The following ATP2C1 variants were observed in gnomAD, a reference collection of about 807,000 sequenced individuals.
The protein encoded by ATP2C1 is calcium-transporting ATPase type 2C member 1.
Under a neutral mutation model 120.5 loss-of-function variants are expected in ATP2C1, and 31 were observed. That is an observed-to-expected ratio of 0.26 (90% CI 0.19 to 0.35). The LOEUF (loss-of-function observed/expected upper bound fraction) is 0.35. Among genes scored for constraint, ATP2C1 ranks in the 10% least tolerant of loss-of-function variants. The pLI is 1.00. For missense variants in ATP2C1, 731 were observed against 1,107.5 expected (o/e 0.66, Z 4.83); for synonymous variants, 351 against 358.7 (o/e 0.98, Z 0.24).
Position 130,901,674 on chromosome 3 carries a change from A to T in ATP2C1, c.6+6899A>T, listed in dbSNP as rs571194937. 5.3e-5 allele frequency among the ~76,000 whole-genome samples: 8 copies of T among 152,174 alleles called. No homozygotes were observed. The South Asian group carries it at 6.2e-4, about 12-fold the overall frequency. The stretch of plus-strand genomic sequence containing the variant: ...ATATAGGTCAGACTGTCATGATGTG[A>T]GGCTCATATAGCTATGCATGGAGAG... On this transcript the variant is annotated intron_variant, in intron 2 of 27. Coordinates refer to ENST00000510168, the MANE Select transcript of ATP2C1 (RefSeq NM_001378687.1).
Position 130,941,668 on chromosome 3 carries a change from A to C in ATP2C1, c.500A>C (p.Asp167Ala). 2.5e-6 allele frequency: 4 copies of C among 1,613,906 alleles called. No individual in the cohort carries two copies. The highest frequency in any genetic ancestry group is 3.4e-6 in the Non-Finnish European group (4 of 1,179,970). The change falls in exon 8 of 28, where the codon GAT becomes GCT. Residue 167 changes from aspartate (D) to alanine (A), a missense_variant. By Grantham distance (126) the Asp-to-Ala change is moderately radical. Transcript: ENST00000510168. The part of the protein sequence containing the change: ...PGDTVCLSVG[D>A]RVPADLRLFE... ...GATACAGTTTGCCTTTCTGTTGGGG[A>C]TAGAGTTCCTGCTGACTTACGCTTG...
intron 6 of ATP2C1, among the ~76,000 whole-genome samples, chr3:130,938,053 C>G (rs942770723): frequency 6.6e-6 from 1 of 152,220 alleles, no homozygotes; most frequent in African/African-American, 2.4e-5. Flanking sequence ...CTCCTCTCCC[C>G]TCCCTTTAAA....
At chr3:131,008,112 C>T (rs1366125308), downstream of ATP2C1, among the ~76,000 whole-genome samples, 1 of 152,086 alleles carries the variant, frequency 6.6e-6, no homozygotes, top group Non-Finnish European at 1.5e-5. Context: ...TCTTGTTTAA[C>T]TCACCCACAT....
intron 2 of ATP2C1, among the ~76,000 whole-genome samples, chr3:130,920,331 A>C (rs2058895429): frequency 6.6e-6 from 1 of 152,178 alleles, no homozygotes; most frequent in South Asian, 2.1e-4. Context: ...TAGGTTTATT[A>C]AATCATTTTC....
At chr3:130,883,945 C>CTTT (rs35365168) in intron 1 of ATP2C1, among the ~76,000 whole-genome samples, 20,924 of 122,032 alleles carry the variant, frequency 0.17, 1,860 homozygotes, top group Middle Eastern at 0.24. Context: ...TTCTTTTCTT[C>CTTT]TTTTTTTTTT....
In ATP2C1 at chr3:130,997,476, T is replaced by C. The variant is rs187595031; in HGVS notation, c.2244-130T>C. 9.6e-5 allele frequency: 81 copies of C among 845,900 alleles called. No individual in the cohort carries two copies. In the East Asian group the frequency reaches 1.5e-3, roughly 16 times the overall value. 52.4% of individuals were successfully genotyped at this position (845,900 alleles called of 1,614,324 possible). A position where few individuals can be genotyped will look rare whatever the true frequency, so the allele number is the denominator to read the frequency against. On this transcript the variant is annotated intron_variant, in intron 24 of 27. Coordinates refer to ENST00000510168, the MANE Select transcript of ATP2C1 (RefSeq NM_001378687.1). ...ATTTTTGCGTAATCAGCCAGCGTTT[T>C]ATGATGCAACATTTTGTTTCTATAA...
chr3:130,968,229 T>C (rs1298302256), intron 16 of ATP2C1, among the ~76,000 whole-genome samples: 1 of 152,182 alleles, frequency 6.6e-6, no homozygotes, highest in Non-Finnish European at 1.5e-5. Flanking sequence ...TAAAACAGCA[T>C]AGTACTCAAA....
At chr3:130,853,530 T>C (rs2669864) in intron 1 of ATP2C1, among the ~76,000 whole-genome samples, 46,157 of 151,994 alleles carry the variant, frequency 0.3, 7,208 homozygotes, top group East Asian at 0.39. Context: ...TTTGCACATT[T>C]AAATGAACTC....
Position 131,014,513 on chromosome 3 carries a change from C to T in ATP2C1, c.2630-1639C>T, listed in dbSNP as rs566341606. ...AGCTCTTATTGCTCTATAATATTAT[C>T]GAAATTACTTAAGAATAATCTGTTC... On this transcript the variant is annotated intron_variant, in intron 26 of 26. Coordinates refer to the ATP2C1 transcript ENST00000328560. 6.2e-4 allele frequency: 554 copies of T among 887,322 alleles called. 1 individual carries two copies. Among genetic ancestry groups the T allele is most frequent in the Non-Finnish European group, 8.1e-4 (496 of 609,522 alleles). 55.0% of individuals were successfully genotyped at this position (887,322 alleles called of 1,614,324 possible).
rs1041482476 is a variant in ATP2C1 at position 131,013,827 on chromosome 3, C to T, written c.2630-2325C>T. ...TTACCATTAACTTGCTGAAATGGAA[C>T]ATGAGAAGTATAAACATGGTTTCAA... On this transcript the variant is annotated intron_variant, in intron 26 of 26. Coordinates refer to the ATP2C1 transcript ENST00000328560. 4 of 405,994 alleles carry T rather than the reference C, an allele frequency of 9.9e-6. No individual in the cohort carries two copies. In the South Asian group the frequency reaches 1.5e-4, roughly 15 times the overall value. 25.1% of individuals were successfully genotyped at this position (405,994 alleles called of 1,614,324 possible).
At chr3:130,957,787 A>G (rs2060645649) in intron 11 of ATP2C1, among the ~76,000 whole-genome samples, 1 of 152,176 alleles carries the variant, frequency 6.6e-6, no homozygotes, top group African/African-American at 2.4e-5. Flanking sequence ...TCCTGAACTC[A>G]TGTGATTGCC....
At chr3:130,917,640 C>T (rs1230524681) in intron 2 of ATP2C1, among the ~76,000 whole-genome samples, 2 of 152,132 alleles carry the variant, frequency 1.3e-5, no homozygotes, top group East Asian at 1.9e-4. Context: ...GTTTTACTTG[C>T]AAAAATATTC....
chr3:130,950,963 G>A (rs569080251), intron 8 of ATP2C1, among the ~76,000 whole-genome samples: 1 of 152,164 alleles, frequency 6.6e-6, no homozygotes, highest in Non-Finnish European at 1.5e-5. Context: ...AGTCTTCAAA[G>A]GGAAAACATG....
At chr3:130,885,234 G>A (rs951094284) in intron 1 of ATP2C1, among the ~76,000 whole-genome samples, 3 of 152,000 alleles carry the variant, frequency 2.0e-5, no homozygotes, top group East Asian at 1.9e-4. Flanking sequence ...ACGCACAGCC[G>A]GTGAAGTGTG....
At chr3:130,918,438 C>G (rs923302700) in intron 2 of ATP2C1, 9 of 914,894 alleles carry the variant, frequency 9.8e-6, no homozygotes, top group Non-Finnish European at 1.5e-5. Flanking sequence ...ATCCCCACAT[C>G]TGGAACACTT....
rs761389710 is a variant in ATP2C1, at chr3:131,001,299, A to G, written c.2709A>G (p.Glu903=). ...TAAAGAAGGTTGAAAGGAGCAGGGAAAAGATCCAGAAGCATGTTAGTTCGA... is the reference window on the plus strand; with the variant it reads ...TAAAGAAGGTTGAAAGGAGCAGGGAGAAGATCCAGAAGCATGTTAGTTCGA... The part of the protein sequence containing the change: ...EIIKKVERSR[E]KIQKHVSSTS... Residue 903 remains glutamate, a synonymous_variant, in exon 28 of 28, where the codon GAA becomes GAG. Transcript: ENST00000510168. The G allele has an allele frequency of 6.2e-7, 1 of 1,613,820 alleles. No homozygotes were observed. The highest frequency in any genetic ancestry group is 2.2e-5 in the East Asian group (1 of 44,832).
At chr3:130,918,379 T>G (rs534349148) in intron 2 of ATP2C1, 2 of 1,462,702 alleles carry the variant, frequency 1.4e-6, no homozygotes, top group African/African-American at 2.8e-5. Context: ...AAATAGTTTT[T>G]GTTCCAGGGC....
intron 26 of ATP2C1, among the ~76,000 whole-genome samples, chr3:131,011,792 T>C (rs147753689): frequency 6.6e-6 from 1 of 152,256 alleles, no homozygotes; most frequent in East Asian, 1.9e-4. Context: ...TAATCTCTTG[T>C]CATTTCATTG....
intron 2 of ATP2C1, among the ~76,000 whole-genome samples, chr3:130,915,239 G>A (rs964643270): frequency 1.2e-4 from 18 of 151,658 alleles, no homozygotes; most frequent in African/African-American, 3.1e-4. Context: ...GATTAAAGGC[G>A]CCTGCCACTA....
Sources: allele counts gnomAD v4.1 joint callset (sites outside exome capture counted in the v4.1 genomes callset), GRCh38; gene constraint gnomAD v4.1.1; transcripts MANE v1.5; gene names NCBI Gene and HGNC (gene_info 2026-07-23, HGNC 2026-07-21).